GPC6: variants seen among roughly 807,000 people sequenced by gnomAD.
GPC6 encodes the protein glypican-6.
In GPC6, 14 loss-of-function variants were observed where a neutral mutation model predicts 55.2. That is an observed-to-expected ratio of 0.25 (90% confidence interval 0.17 to 0.40). The LOEUF is 0.40. GPC6 is among the 10% of genes least tolerant of loss of function. The pLI is 1.00. For synonymous variants in GPC6, 278 were observed against 259.6 expected, an observed-to-expected ratio of 1.07 and a Z score of -0.68; for missense variants, 641 against 708.5, an observed-to-expected ratio of 0.90 and a Z score of 1.08.
At chr13:93,593,397 ATGATGTCACTGCATAAAC>A (rs1877577677) in intron 2 of GPC6, among the ~76,000 whole-genome samples, 1 of 152,124 alleles carries the variant, frequency 6.6e-6, no homozygotes, top group Non-Finnish European at 1.5e-5. Flanking sequence ...TATTGGGATC[ATGATGTCACTGCATAAAC>A]TTACTTTATT....
At chr13:93,655,074 C>T (rs1422001607) in intron 2 of GPC6, among the ~76,000 whole-genome samples, 3 of 137,290 alleles carry the variant, frequency 2.2e-5, no homozygotes, top group African/African-American at 5.4e-5. Context: ...ATGTCTCGAT[C>T]TCCTCGCCTC....
chr13:93,959,880 A>G (rs540832984), intron 3 of GPC6, among the ~76,000 whole-genome samples: 1 of 152,360 alleles, frequency 6.6e-6, no homozygotes, highest in East Asian at 1.9e-4. Context: ...TCACGCAGCT[A>G]GTAAGTGTCA....
chr13:93,509,055 T>C (rs972981055), intron 1 of GPC6, among the ~76,000 whole-genome samples: 13 of 152,108 alleles, frequency 8.5e-5, no homozygotes, highest in Non-Finnish European at 8.8e-5. Context: ...TTCAGAGTAG[T>C]GAGGGAAGCA....
chr13:93,395,898 T>TAGTTA (rs1875836616), intron 1 of GPC6: 1 of 152,268 alleles, frequency 6.6e-6, no homozygotes, highest in Non-Finnish European at 1.5e-5. Context: ...TTTAGATGTC[T>TAGTTA]TACTGGTAAA....
At chr13:94,033,716 A>C (rs756799104) in intron 4 of GPC6, among the ~76,000 whole-genome samples, 4 of 152,212 alleles carry the variant, frequency 2.6e-5, no homozygotes, top group African/African-American at 4.8e-5. Context: ...ATGATATGAC[A>C]CTGGCTGATA....
In GPC6 at chr13:93,832,621, T is replaced by G. The variant is rs375862819; in HGVS notation, c.711+2076T>G. ...GTGTCTACAAAGCCATGAGGGAGGC[T>G]GCTGCTGGCTATCCCTCCTGTTTTT... On this transcript the variant is annotated intron_variant, in intron 3 of 8. Coordinates refer to ENST00000377047, the MANE Select transcript of GPC6 (RefSeq NM_005708.5). Among the ~76,000 whole-genome samples, 55 of 152,284 alleles carry G rather than the reference T, an allele frequency of 3.6e-4. 1 individual carries two copies. The South Asian group carries it at 0.011, about 30-fold the overall frequency.
chr13:94,169,574 A>C (rs1888488160), intron 4 of GPC6, among the ~76,000 whole-genome samples: 1 of 152,220 alleles, frequency 6.6e-6, no homozygotes, highest in African/African-American at 2.4e-5. Context: ...ATACCGAGCC[A>C]GAAATAAACA....
Position 93,228,113 on chromosome 13 carries a change from C to T in GPC6, c.160+497C>T, listed in dbSNP as rs1194043593. ...GAGACGCGGAGGGCTCCCCCAGCCC[C>T]TCTCTCCCCTATCCGTCCTTCGGGC... is the stretch of plus-strand genomic sequence containing the variant. On this transcript the variant is annotated intron_variant, in intron 1 of 8. Coordinates refer to ENST00000377047, the MANE Select transcript of GPC6 (RefSeq NM_005708.5). Among the ~76,000 whole-genome samples, 5 of 152,122 alleles carry T rather than the reference C, an allele frequency of 3.3e-5. No homozygotes were observed. The South Asian group carries it at 8.3e-4, about 25-fold the overall frequency.
At position 93,406,266 on chromosome 13, in the gene GPC6, T is replaced by C. The variant is rs959316908; in HGVS notation, c.161-138997T>C. On this transcript the variant is annotated intron_variant, in intron 1 of 8. Transcript: ENST00000377047. ...TTAAAACACTTCTCAAGCAAAATTG[T>C]TGTGCAGCCTTAGAATCCTTTTAAA... 4.5e-4 allele frequency among the ~76,000 whole-genome samples: 69 copies of C among 152,124 alleles called. 2 individuals carry two copies. Among genetic ancestry groups the C allele is most frequent in the Admixed American group, 3.9e-4 (6 of 15,232 alleles).
At chr13:93,467,092 C>T (rs1594190392) in intron 1 of GPC6, among the ~76,000 whole-genome samples, 2 of 152,162 alleles carry the variant, frequency 1.3e-5, no homozygotes, top group Admixed American at 6.5e-5. Flanking sequence ...CTGTATACAA[C>T]GTTGCCTTTC....
At chr13:93,456,592 G>A (rs1293020075) in intron 1 of GPC6, among the ~76,000 whole-genome samples, 2 of 151,994 alleles carry the variant, frequency 1.3e-5, no homozygotes, top group Admixed American at 6.5e-5. Context: ...CAAACTGGGT[G>A]ACTTAGCAGA....
chr13:93,464,739 G>C (rs1292703781), intron 1 of GPC6, among the ~76,000 whole-genome samples: 1 of 152,156 alleles, frequency 6.6e-6, no homozygotes, highest in Non-Finnish European at 1.5e-5. Flanking sequence ...TCCTCTCATG[G>C]ATCACAAATG....
chr13:93,273,784 C>A (rs1160633139), intron 1 of GPC6, among the ~76,000 whole-genome samples: 2 of 151,976 alleles, frequency 1.3e-5, no homozygotes, highest in African/African-American at 4.8e-5. Context: ...TGATTGATTG[C>A]CTCATTTTTA....
At chr13:93,489,332 C>G (rs917707505) in intron 1 of GPC6, among the ~76,000 whole-genome samples, 21 of 151,330 alleles carry the variant, frequency 1.4e-4, no homozygotes, top group African/African-American at 5.1e-4. Context: ...TGGTCTATAT[C>G]TCTGTTTTGG....
At chr13:93,451,828 A>T (rs1255031723) in intron 1 of GPC6, among the ~76,000 whole-genome samples, 1 of 152,210 alleles carries the variant, frequency 6.6e-6, no homozygotes, top group Non-Finnish European at 1.5e-5. Context: ...CAGCCACCAG[A>T]TGCTCCAATG....
At chr13:94,334,548 C>A (rs1458137326) in intron 6 of GPC6, among the ~76,000 whole-genome samples, 1 of 152,224 alleles carries the variant, frequency 6.6e-6, no homozygotes, top group East Asian at 1.9e-4. Context: ...GTTCCTGGGA[C>A]AACAGCATCA....
chr13:94,401,787 C>T (rs1332972382), intron 8 of GPC6, among the ~76,000 whole-genome samples: 2 of 152,014 alleles, frequency 1.3e-5, no homozygotes, highest in Admixed American at 1.3e-4. Context: ...ATAAAAACCA[C>T]CAGGTACAGA....
At chr13:94,248,576 G>T (rs1891263366) in intron 4 of GPC6, among the ~76,000 whole-genome samples, 1 of 151,804 alleles carries the variant, frequency 6.6e-6, no homozygotes, top group African/African-American at 2.4e-5. Flanking sequence ...AGTATGCAAT[G>T]CCTTCTCAAA....
intron 1 of GPC6, among the ~76,000 whole-genome samples, chr13:93,378,323 C>A (rs1690180260): frequency 6.6e-6 from 1 of 152,156 alleles, no homozygotes; most frequent in Admixed American, 6.5e-5. Flanking sequence ...TCCTCTGGCT[C>A]CATTGTTTGC....
Sources: gnomAD v4.1 joint callset for allele counts (sites outside exome capture counted in the v4.1 genomes callset) on GRCh38, gnomAD v4.1.1 for gene constraint, MANE v1.5 for transcripts, NCBI Gene and HGNC (gene_info 2026-07-23, HGNC 2026-07-21) for gene names.